The following LDLRAD3 variants were observed in gnomAD, a reference collection of about 807,000 sequenced individuals.
The protein encoded by LDLRAD3 is low density lipoprotein receptor class A domain containing 3, also known as low-density lipoprotein receptor class A domain-containing protein 3.
Under a neutral mutation model 29.4 loss-of-function variants are expected in LDLRAD3, and 20 were observed. The ratio of observed to expected loss-of-function variants is 0.68; its 90% CI spans 0.48 to 0.99. LDLRAD3 has a LOEUF of 0.99. Ranked by LOEUF, LDLRAD3 falls within the 50% of genes least tolerant of loss-of-function variation. The pLI, the probability that LDLRAD3 is intolerant of heterozygous loss-of-function variation, is 0.00. For missense variants in LDLRAD3, 420 were observed against 454.3 expected, an observed-to-expected ratio of 0.92 and a Z score of 0.69; for synonymous variants, 157 against 192.7, an observed-to-expected ratio of 0.81 and a Z score of 1.53.
chr11:36,108,483 C>T (rs1333247695), intron 4 of LDLRAD3, among the ~76,000 whole-genome samples: 1 of 151,990 alleles, frequency 6.6e-6, no homozygotes, highest in Non-Finnish European at 1.5e-5. Context: ...AGCAGGTGTT[C>T]GGTTGGTCAG....
intron 4 of LDLRAD3, among the ~76,000 whole-genome samples, chr11:36,207,623 C>T (rs555658377): frequency 1.2e-4 from 19 of 152,142 alleles, no homozygotes; most frequent in African/African-American, 4.3e-4. Context: ...GCACTCCAGC[C>T]TGGGTGTTGG....
intron 1 of LDLRAD3, among the ~76,000 whole-genome samples, chr11:35,982,880 G>T: frequency 7.9e-6 from 1 of 127,320 alleles, no homozygotes. Flanking sequence ...TTGAGACGGA[G>T]TCTTGCTCTG....
At chr11:36,215,159 C>A (rs941915259) in intron 4 of LDLRAD3, among the ~76,000 whole-genome samples, 1 of 152,152 alleles carries the variant, frequency 6.6e-6, no homozygotes, top group Admixed American at 6.5e-5. Flanking sequence ...GTAGCAGGTG[C>A]ATGCTGGGTG....
At chr11:36,190,093 A>G (rs903472656) in intron 4 of LDLRAD3, among the ~76,000 whole-genome samples, 1 of 151,516 alleles carries the variant, frequency 6.6e-6, no homozygotes, top group Non-Finnish European at 1.5e-5. Flanking sequence ...GGAGGAGGAG[A>G]AAGAGGAGAA....
intron 4 of LDLRAD3, among the ~76,000 whole-genome samples, chr11:36,205,146 G>A (rs1855188285): frequency 6.6e-6 from 1 of 152,168 alleles, no homozygotes; most frequent in Admixed American, 6.5e-5. Context: ...TATTCTTAAT[G>A]GTAACAGAAA....
chr11:36,114,222 G>C (rs1853644147), intron 4 of LDLRAD3, among the ~76,000 whole-genome samples: 1 of 152,194 alleles, frequency 6.6e-6, no homozygotes, highest in Non-Finnish European at 1.5e-5. Context: ...AGTGACATCA[G>C]TTCACACAGC....
chr11:36,034,368 C>T (rs544704302), intron 1 of LDLRAD3, among the ~76,000 whole-genome samples: 17 of 152,048 alleles, frequency 1.1e-4, no homozygotes, highest in Admixed American at 6.5e-5. Flanking sequence ...TGGCTGGAGT[C>T]GCAACTGTGG....
At chr11:36,088,446 A>G (rs762742043) in intron 3 of LDLRAD3, among the ~76,000 whole-genome samples, 1 of 152,190 alleles carries the variant, frequency 6.6e-6, no homozygotes, top group Non-Finnish European at 1.5e-5. Context: ...AGTTGTGCCC[A>G]GAAAAACCAC....
At chr11:36,023,185 C>G (rs551484398) in intron 1 of LDLRAD3, among the ~76,000 whole-genome samples, 1 of 152,090 alleles carries the variant, frequency 6.6e-6, no homozygotes, top group African/African-American at 2.4e-5. Flanking sequence ...ATCTCCCTGG[C>G]GGGGTTGCTT....
chr11:35,976,439 G>C (rs1424923404), intron 1 of LDLRAD3, among the ~76,000 whole-genome samples: 1 of 152,146 alleles, frequency 6.6e-6, no homozygotes, highest in Admixed American at 6.6e-5. Context: ...CAGGTGATGA[G>C]AGTTGGCTAG....
intron 1 of LDLRAD3, among the ~76,000 whole-genome samples, chr11:35,953,248 G>A (rs1486649153): frequency 2.0e-5 from 3 of 152,100 alleles, no homozygotes; most frequent in East Asian, 1.9e-4. Context: ...CTGTCCTGGC[G>A]AGCGGCCACG....
intron 4 of LDLRAD3, among the ~76,000 whole-genome samples, chr11:36,225,384 C>G (rs1438051496): frequency 6.6e-6 from 1 of 152,190 alleles, no homozygotes. Flanking sequence ...CCTGCCTGGA[C>G]CTTACAGTGG....
intron 4 of LDLRAD3, among the ~76,000 whole-genome samples, chr11:36,194,109 G>GT (rs1311979713): frequency 1.3e-5 from 2 of 152,126 alleles, no homozygotes; most frequent in Non-Finnish European, 2.9e-5. Flanking sequence ...TTTGTGCATG[G>GT]TTTTTTGCTT....
chr11:36,153,171 T>C (rs1854300483), intron 4 of LDLRAD3, among the ~76,000 whole-genome samples: 1 of 151,664 alleles, frequency 6.6e-6, no homozygotes, highest in South Asian at 2.1e-4. Flanking sequence ...CCCAGCATAG[T>C]CGGGGTGCTT....
chr11:36,071,261 A>G (rs1852897100), intron 2 of LDLRAD3, among the ~76,000 whole-genome samples: 1 of 152,222 alleles, frequency 6.6e-6, no homozygotes, highest in Non-Finnish European at 1.5e-5. Context: ...GAATCAGCCC[A>G]TCGCAGACAA....
chr11:36,098,498 C>T (rs560929485), intron 4 of LDLRAD3, 37 bp downstream of exon 4: 4 of 1,611,276 alleles, frequency 2.5e-6, no homozygotes, highest in Non-Finnish European at 3.4e-6. Flanking sequence ...ATAATTGCAA[C>T]ACAACACTGC....
intron 4 of LDLRAD3, among the ~76,000 whole-genome samples, chr11:36,168,104 TGAG>T (rs1231355418): frequency 6.6e-6 from 1 of 152,164 alleles, no homozygotes; most frequent in African/African-American, 2.4e-5. Flanking sequence ...CGGTGACAAA[TGAG>T]GAGGAGCTGA....
chr11:36,209,496 A>G (rs1197034284), intron 4 of LDLRAD3, among the ~76,000 whole-genome samples: 6 of 150,858 alleles, frequency 4.0e-5, no homozygotes, highest in Non-Finnish European at 8.8e-5. Context: ...AGTAGCTGGG[A>G]TTACAGGCGC....
intron 3 of LDLRAD3, among the ~76,000 whole-genome samples, chr11:36,098,075 T>G (rs977667789): frequency 7.9e-5 from 12 of 152,222 alleles, no homozygotes; most frequent in Admixed American, 1.3e-4. Context: ...CAATATTCAG[T>G]TATTAAGCAG....
Sources: gnomAD v4.1 joint callset for allele counts (sites outside exome capture counted in the v4.1 genomes callset) on GRCh38, gnomAD v4.1.1 for gene constraint, MANE v1.5 for transcripts, NCBI Gene and HGNC (gene_info 2026-07-23, HGNC 2026-07-21) for gene names.